Variants in PNPLA5 observed in about 807,000 individuals in gnomAD.
PNPLA5 encodes the protein patatin like domain 5, triacylglycerol lipase, also known as patatin-like phospholipase domain-containing protein 5.
PNPLA5 carries 44 observed loss-of-function variants against 49.1 expected under a neutral mutation model. The ratio of observed to expected loss-of-function variants is 0.90; its 90% confidence interval spans 0.70 to 1.15. The LOEUF is 1.15. PNPLA5 is among the 50% of genes most tolerant of loss of function. The pLI, the probability that PNPLA5 is intolerant of heterozygous loss-of-function variation, is 0.00. For synonymous variants in PNPLA5, 243 were observed against 244.4 expected (o/e 0.99, Z 0.06); for missense variants, 603 against 564.0 (o/e 1.07, Z -0.70).
intron 8 of PNPLA5, 26 bp from the exon 9 acceptor site, chr22:43,880,911 T>A: frequency 7.6e-7 from 1 of 1,315,506 alleles, no homozygotes; most frequent in Non-Finnish European, 9.8e-7. Flanking sequence ...AAGCCACGGG[T>A]AAATGCCTGG....
rs748898005 is a variant in PNPLA5 at position 43,891,809 on chromosome 22, G to T, written c.72C>A (p.His24Gln). The change falls in exon 1 of 9, where the codon CAC (histidine) becomes CAA (glutamine). Residue 24 changes from histidine to glutamine, a missense_variant. Coordinates refer to ENST00000216177, the MANE Select transcript of PNPLA5 (RefSeq NM_138814.4). ...GGCGCAGGCATTCGGTGGCGCCCAC[G>T]TGGTGGGCGCCCAGGTAGCCGGCGC... ...FSGAGYLGAH[H>Q]VGATECLRQR... 3.3e-6 allele frequency: 5 copies of T among 1,522,056 alleles called. No homozygotes were observed. Among genetic ancestry groups the T allele is most frequent in the African/African-American group, 2.8e-5 (2 of 70,454 alleles). The allele number at this position is 1,522,056 out of a possible 1,614,324, so 94.3% of individuals were successfully genotyped here.
intron 2 of PNPLA5, chr22:43,890,164 A>G (rs1482600484): frequency 2.6e-6 from 2 of 757,410 alleles, no homozygotes; most frequent in African/African-American, 3.8e-5. Flanking sequence ...TTGCCTGTGT[A>G]GCAGTTGGGA....
At chr22:43,881,218 C>T (rs1265543433) in intron 8 of PNPLA5, among the ~76,000 whole-genome samples, 3 of 152,224 alleles carry the variant, frequency 2.0e-5, no homozygotes, top group Non-Finnish European at 2.9e-5. Context: ...GGGCCAGCCT[C>T]GTCCAAGGTC....
At position 43,891,992 on chromosome 22, in the gene PNPLA5, G is replaced by C; in HGVS notation, c.-112C>G. 1 of 1,142,322 alleles carries C rather than the reference G, an allele frequency of 8.8e-7. No homozygotes were observed. Among genetic ancestry groups the C allele is most frequent in the East Asian group, 3.1e-5 (1 of 32,444 alleles). 70.8% of individuals were successfully genotyped at this position (1,142,322 alleles called of 1,614,324 possible). On this transcript the variant is annotated 5_prime_UTR_variant, in exon 1 of 9. Transcript: ENST00000216177. Reference sequence around the variant, plus strand: ...TGGGCCCAAATGTGGGCTCTGGAGGGAGCCGGGCTGGGGCTGGTGCTGGTG... The same window carrying C: ...TGGGCCCAAATGTGGGCTCTGGAGGCAGCCGGGCTGGGGCTGGTGCTGGTG...
chr22:43,886,572 A>T, intron 5 of PNPLA5, 84 bp from the exon 6 acceptor site: 1 of 1,510,336 alleles, frequency 6.6e-7, no homozygotes, highest in Non-Finnish European at 8.8e-7. Flanking sequence ...TCAGAGCCCA[A>T]ACCCAGTTCT....
At position 43,880,432 on chromosome 22, in the gene PNPLA5, ACTTTCTCAAT is replaced by A. The variant is rs945945485; in HGVS notation, c.*353_*362del. The stretch of plus-strand genomic sequence containing the variant: ...CTGGTCTCTGACGCGGGCATCAGGC[ACTTTCTCAAT>A]CTTCTGTGAGGTGCTCCGTGGGCAG... On this transcript the variant is annotated 3_prime_UTR_variant, in exon 9 of 9. Transcript: ENST00000216177. 2 of 398,626 alleles carry A rather than the reference ACTTTCTCAAT, an allele frequency of 5.0e-6. No homozygotes were observed. The highest frequency in any genetic ancestry group is 8.8e-6 in the Non-Finnish European group (2 of 226,174). The allele number at this position is 398,626 out of a possible 1,614,324, so 24.7% of individuals were successfully genotyped here. A position where few individuals can be genotyped will look rare whatever the true frequency, so the allele number is the denominator to read the frequency against.
At chr22:43,886,560 C>G (rs1312008390) in intron 5 of PNPLA5, 72 bp from the exon 6 acceptor site, 1 of 1,524,802 alleles carries the variant, frequency 6.6e-7, no homozygotes, top group African/African-American at 1.4e-5. Flanking sequence ...TGCCCACATC[C>G]CTCAGAGCCC....
At chr22:43,890,829 G>A (rs1019324948) in intron 2 of PNPLA5, among the ~76,000 whole-genome samples, 2 of 152,218 alleles carry the variant, frequency 1.3e-5, no homozygotes, top group South Asian at 4.1e-4. Flanking sequence ...TGACTCAGCA[G>A]CCTGACTCTG....
At chr22:43,885,943 T>C (rs2049659302) in intron 6 of PNPLA5, among the ~76,000 whole-genome samples, 1 of 152,218 alleles carries the variant, frequency 6.6e-6, no homozygotes. Flanking sequence ...CTCCTATGTC[T>C]GTCAACACTC....
rs554316678 is a variant in PNPLA5 at position 43,887,651 on chromosome 22, C to T, written c.703G>A (p.Val235Ile). 3.7e-6 allele frequency: 6 copies of T among 1,601,122 alleles called. No homozygotes were observed. The highest frequency in any genetic ancestry group is 5.1e-6 in the Non-Finnish European group (6 of 1,172,902). ...CCTTGTCTGCAGTTGTCGGCCACTA[C>T]CTGCCAACACACAGGGCAAGGGTGA... is the stretch of plus-strand genomic sequence containing the variant. ...LICLIPPSLEVVADNCRQGYL... is the reference protein window; with the variant it reads ...LICLIPPSLEIVADNCRQGYL... Residue 235 changes from valine (V) to isoleucine (I), a missense_variant and splice_region_variant, in exon 5 of 9, where the codon GTA becomes ATA. Transcript: ENST00000216177.
At position 43,891,229 on chromosome 22, in the gene PNPLA5, G is replaced by T. The variant is rs201608516; in HGVS notation, c.259C>A (p.His87Asn). ...QLERLSLSIL[H>N]PAYAPIEHVK... ...TGCTCGATGGGCGCGTAGGCCGGGT[G>T]CAGGATGCTTAGGCTCAGCCGCTCC... The change falls in exon 2 of 9, where the codon CAC (histidine) becomes AAC (asparagine). Residue 87 changes from histidine to asparagine, a missense_variant. Coordinates refer to ENST00000216177, the MANE Select transcript of PNPLA5 (RefSeq NM_138814.4). The T allele has an allele frequency of 8.2e-5, 129 of 1,571,786 alleles. No homozygotes were observed. The highest frequency in any genetic ancestry group is 1.1e-4 in the Non-Finnish European group (123 of 1,155,654).
In PNPLA5 at chr22:43,887,609, T is replaced by C. The variant is rs756361673; in HGVS notation, c.745A>G (p.Arg249Gly). 3.7e-6 allele frequency: 6 copies of C among 1,610,140 alleles called. No homozygotes were observed. The highest frequency in any genetic ancestry group is 5.1e-6 in the Non-Finnish European group (6 of 1,178,256). The change falls in exon 5 of 9, where the codon AGG (arginine) becomes GGG (glycine). Residue 249 changes from arginine to glycine, a missense_variant. By Grantham distance (125) the Arg-to-Gly change is moderately radical (BLOSUM62 -2). Coordinates refer to ENST00000216177, the MANE Select transcript of PNPLA5 (RefSeq NM_138814.4). ...CACCTACCACGTCTCTCCAGGAACC[T>C]CAGGGCATCCAGGTAGCCTTGTCTG... ...NCRQGYLDAL[R>G]FLERRGLTKE...
chr22:43,891,346 TC>T, intron 1 of PNPLA5, 52 bp from the exon 2 acceptor site: 1 of 1,510,776 alleles, frequency 6.6e-7, no homozygotes, highest in Non-Finnish European at 8.8e-7. Flanking sequence ...ATCCTGCCAG[TC>T]CCTCCACACC....
chr22:43,891,319 G>C lies in PNPLA5; in HGVS notation c.194-25C>G, dbSNP rs372459756. 3.3e-5 allele frequency: 51 copies of C among 1,540,190 alleles called. No homozygotes were observed. The African/African-American group carries it at 6.4e-4, about 19-fold the overall frequency. ...TCTGCAGTGGGGGCAGGGAAAGGGA[G>C]ACCTCAGCGCCCAGGGATCCTGCCA... On this transcript the variant is annotated intron_variant, in intron 1 of 8. Coordinates refer to ENST00000216177, the MANE Select transcript of PNPLA5 (RefSeq NM_138814.4).
rs552979173 is a variant in PNPLA5, at chr22:43,881,239, G to A, written c.1199+319C>T. ...GCCTCGTCCAAGGTCACGTGGGGAC[G>A]TCTGGAACAATGGCAGGAGGACTGG... is the stretch of plus-strand genomic sequence containing the variant. On this transcript the variant is annotated intron_variant, in intron 8 of 8. Coordinates refer to ENST00000216177, the MANE Select transcript of PNPLA5 (RefSeq NM_138814.4). 1.1e-4 allele frequency among the ~76,000 whole-genome samples: 16 copies of A among 152,338 alleles called. No individual in the cohort carries two copies. The East Asian group carries it at 2.7e-3, about 26-fold the overall frequency.
chr22:43,884,513 T>C (rs2049642421), intron 6 of PNPLA5, 168 bp from the exon 7 acceptor site: 2 of 649,858 alleles, frequency 3.1e-6, no homozygotes, highest in Admixed American at 6.3e-5. Flanking sequence ...TCTGCGCTCA[T>C]CGTTGTCCGT....
chr22:43,882,813 C>T (rs545817773), intron 7 of PNPLA5, among the ~76,000 whole-genome samples: 2 of 152,340 alleles, frequency 1.3e-5, no homozygotes, highest in East Asian at 3.9e-4. Context: ...ATTAACTCAA[C>T]ATTGAGCAGG....
At chr22:43,884,641 C>G (rs2049643860) in intron 6 of PNPLA5, among the ~76,000 whole-genome samples, 1 of 152,222 alleles carries the variant, frequency 6.6e-6, no homozygotes, top group Non-Finnish European at 1.5e-5. Flanking sequence ...TGAGGACTCT[C>G]AGGCTCCTGA....
At position 43,891,118 on chromosome 22, in the gene PNPLA5, G is replaced by A. The variant is rs773857950; in HGVS notation, c.370C>T (p.Pro124Ser). Residue 124 changes from proline to serine, a missense_variant, in exon 2 of 9, where the codon CCT becomes TCT. Physicochemically the swap from Pro to Ser is moderately conservative, Grantham distance 74. Transcript: ENST00000216177. The part of the protein sequence containing the change: ...QRLGISLTRW[P>S]DGRNFLVTDF... ...GTGACCAAGAAGTTGCGTCCGTCAGGCCAGCGGGTCAGCGAAATGCCCAGC... is the reference window on the plus strand; with the variant it reads ...GTGACCAAGAAGTTGCGTCCGTCAGACCAGCGGGTCAGCGAAATGCCCAGC... 9 of 1,609,984 alleles carry A rather than the reference G, an allele frequency of 5.6e-6. No homozygotes were observed. The Admixed American group carries it at 1.0e-4, about 18-fold the overall frequency.
Sources: gnomAD v4.1 joint callset for allele counts (sites outside exome capture counted in the v4.1 genomes callset) on GRCh38, gnomAD v4.1.1 for gene constraint, MANE v1.5 for transcripts, NCBI Gene and HGNC (gene_info 2026-07-23, HGNC 2026-07-21) for gene names.